The following NBAS variants were observed in gnomAD, a reference collection of about 807,000 sequenced individuals.
NBAS encodes the protein NBAS subunit of NRZ tethering complex, also known as NAG/BC035112 fusion.
A neutral mutation model predicts 302.5 loss-of-function variants in NBAS; 219 were observed. That is an observed-to-expected ratio of 0.72 (90% CI 0.65 to 0.81). NBAS has a LOEUF of 0.81. Among genes scored for constraint, NBAS ranks in the 30% least tolerant of loss-of-function variants. The probability of loss-of-function intolerance (pLI) is 0.00; values close to 1 mark genes in which losing one functional copy is unlikely to be tolerated. For synonymous variants in NBAS, 1,118 were observed against 1,021.6 expected (o/e 1.09, Z -1.80); for missense variants, 2,932 against 2,841.6 (o/e 1.03, Z -0.72).
the NBAS span, among the ~76,000 whole-genome samples, chr2:15,097,659 G>A: frequency 6.6e-6 from 1 of 151,322 alleles, no homozygotes; most frequent in Non-Finnish European, 1.5e-5. Flanking sequence ...GCTTTCTGGG[G>A]CCCCTTTTAT....
At chr2:15,439,332 T>C (rs1248153304) in intron 21 of NBAS, among the ~76,000 whole-genome samples, 2 of 149,928 alleles carry the variant, frequency 1.3e-5, no homozygotes, top group Non-Finnish European at 3.0e-5. Context: ...AAAAGAATAT[T>C]ACCCCAGCAG....
chr2:15,086,710 C>T, the NBAS span, among the ~76,000 whole-genome samples: 6 of 152,302 alleles, frequency 3.9e-5, no homozygotes, highest in East Asian at 7.7e-4. Context: ...AGAGAGCTGG[C>T]GCCCATGCTG....
Position 15,374,635 on chromosome 2 carries a change from A to T in NBAS, c.3676T>A (p.Phe1226Ile), listed in dbSNP as rs1399085434. Residue 1226 changes from phenylalanine to isoleucine, a missense_variant, in exon 31 of 52, where the codon TTT (phenylalanine) becomes ATT (isoleucine). Physicochemically the swap from Phe to Ile is conservative, Grantham distance 21. Coordinates refer to ENST00000281513, the MANE Select transcript of NBAS (RefSeq NM_015909.4). ...TGCAAAGGCAGGATCTTTACCCCAA[A>T]TTCTTCAAGACATCCAACGGCTTGG... is the stretch of plus-strand genomic sequence containing the variant. Reference protein sequence around the residue: ...LIQAVGCLEEFGVKILPLQVR... With the variant: ...LIQAVGCLEEIGVKILPLQVR... 3.7e-6 allele frequency: 6 copies of T among 1,613,814 alleles called. No individual in the cohort carries two copies. Among genetic ancestry groups the T allele is most frequent in the Middle Eastern group, 1.6e-4 (1 of 6,082 alleles).
At chr2:14,912,169 A>G in the NBAS span, among the ~76,000 whole-genome samples, 1 of 152,214 alleles carries the variant, frequency 6.6e-6, no homozygotes, top group Non-Finnish European at 1.5e-5. Flanking sequence ...TACAGTAAAA[A>G]TATGGTATTA....
chr2:14,999,034 G>T, the NBAS span, among the ~76,000 whole-genome samples: 1 of 152,262 alleles, frequency 6.6e-6, no homozygotes, highest in African/African-American at 2.4e-5. Flanking sequence ...CAGCTTCCCT[G>T]CTCCCTCTCA....
rs572354088 is a variant in NBAS at position 15,450,498 on chromosome 2, C to T, written c.2339+10703G>A. 3.3e-5 allele frequency among the ~76,000 whole-genome samples: 5 copies of T among 152,264 alleles called. No homozygotes were observed. In the South Asian group the frequency reaches 1.0e-3, roughly 32 times the overall value. On this transcript the variant is annotated intron_variant, in intron 21 of 51. Transcript: ENST00000281513. ...TCCCATCTCTAAGCCTATCTACCCTCCTCATATAACACATTTTAAGATAGG... is the reference window on the plus strand; with the variant it reads ...TCCCATCTCTAAGCCTATCTACCCTTCTCATATAACACATTTTAAGATAGG...
Position 15,526,618 on chromosome 2 carries a change from C to A in NBAS, c.746+7925G>T, listed in dbSNP as rs73915353. ...ACAACCTAGCAAAATTTTTGTCATG[C>A]ACAACAGGCCACTTACACATACTCC... On this transcript the variant is annotated intron_variant, in intron 9 of 51. Coordinates refer to ENST00000281513, the MANE Select transcript of NBAS (RefSeq NM_015909.4). Among the ~76,000 whole-genome samples the A allele has an allele frequency of 6.1e-3, 924 of 152,142 alleles. 10 individuals carry two copies. Among genetic ancestry groups the A allele is most frequent in the African/African-American group, 0.02 (840 of 41,520 alleles).
At chr2:15,188,628 C>T (rs993453347) in intron 49 of NBAS, among the ~76,000 whole-genome samples, 5 of 152,092 alleles carry the variant, frequency 3.3e-5, no homozygotes, top group African/African-American at 4.8e-5. Flanking sequence ...TTACAAATTC[C>T]ATTTCATATG....
At chr2:15,541,422 G>A (rs987005672) in intron 6 of NBAS, among the ~76,000 whole-genome samples, 6 of 152,070 alleles carry the variant, frequency 3.9e-5, no homozygotes, top group East Asian at 3.9e-4. Context: ...ATTCTATAAC[G>A]GAAGTCATCT....
chr2:15,551,646 T>A (rs528285062), intron 5 of NBAS, 110 bp from the exon 6 acceptor site: 2 of 715,330 alleles, frequency 2.8e-6, no homozygotes, highest in Admixed American at 4.9e-5. Flanking sequence ...CTCAATCATA[T>A]CTCCTCTCAG....
At chr2:15,075,006 A>G in the NBAS span, among the ~76,000 whole-genome samples, 1 of 152,180 alleles carries the variant, frequency 6.6e-6, no homozygotes, top group Non-Finnish European at 1.5e-5. Context: ...TTTGACAGAA[A>G]CTATCTACAT....
chr2:14,837,330 T>C, the NBAS span, among the ~76,000 whole-genome samples: 2 of 151,944 alleles, frequency 1.3e-5, no homozygotes, highest in Non-Finnish European at 1.5e-5. Context: ...AAATATATCA[T>C]GTCCAAATTG....
the NBAS span, among the ~76,000 whole-genome samples, chr2:14,887,399 C>CAAAAAAAAAAAAAAAAA: frequency 4.3e-3 from 363 of 84,406 alleles, 15 homozygotes; most frequent in African/African-American, 0.013. Context: ...TGAGACTCCT[C>CAAAAAAAAAAAAAAAAA]AAAAAAAAAA....
intron 47 of NBAS, among the ~76,000 whole-genome samples, chr2:15,225,931 C>T (rs1211032192): frequency 6.6e-6 from 1 of 152,130 alleles, no homozygotes; most frequent in African/African-American, 2.4e-5. Context: ...AAGGTAAGAC[C>T]TTGCTACTCA....
chr2:15,472,575 A>C (rs1302912025), intron 16 of NBAS, among the ~76,000 whole-genome samples: 1 of 151,908 alleles, frequency 6.6e-6, no homozygotes, highest in Non-Finnish European at 1.5e-5. Flanking sequence ...ACCTCAGCTC[A>C]CTGGCCCCCC....
the NBAS span, among the ~76,000 whole-genome samples, chr2:15,138,561 A>C: frequency 6.6e-6 from 1 of 152,190 alleles, no homozygotes; most frequent in Non-Finnish European, 1.5e-5. Context: ...CAAAGAGCCC[A>C]GGACCTGGAG....
intron 33 of NBAS, among the ~76,000 whole-genome samples, chr2:15,354,794 C>T (rs1673534015): frequency 6.6e-6 from 1 of 152,176 alleles, no homozygotes; most frequent in Admixed American, 6.5e-5. Flanking sequence ...CCAGTTTTAG[C>T]AAAAATCCTA....
chr2:15,415,981 T>C (rs921761802), intron 24 of NBAS, among the ~76,000 whole-genome samples: 2 of 151,974 alleles, frequency 1.3e-5, no homozygotes, highest in Non-Finnish European at 2.9e-5. Flanking sequence ...TCATAAGCAA[T>C]ATGGGGTCCC....
chr2:15,097,940 T>G, the NBAS span, among the ~76,000 whole-genome samples: 5,517 of 111,748 alleles, frequency 0.049, 115 homozygotes, highest in Non-Finnish European at 0.074. Flanking sequence ...ATTACATATA[T>G]ATTATATTGT....
Sources: gnomAD v4.1 joint callset for allele counts (sites outside exome capture counted in the v4.1 genomes callset) on GRCh38, gnomAD v4.1.1 for gene constraint, MANE v1.5 for transcripts, NCBI Gene and HGNC (gene_info 2026-07-23, HGNC 2026-07-21) for gene names.